ELAC1: variants seen among roughly 807,000 people sequenced by gnomAD.
ELAC1 encodes the protein zinc phosphodiesterase ELAC protein 1.
Under a neutral mutation model 25.8 loss-of-function variants are expected in ELAC1, and 19 were observed. The ratio of observed to expected loss-of-function variants is 0.74; its 90% confidence interval spans 0.51 to 1.08. The LOEUF (loss-of-function observed/expected upper bound fraction) is 1.08, where lower values mean the gene tolerates loss of function less well. Ranked by LOEUF, ELAC1 falls within the 50% of genes least tolerant of loss-of-function variation. The pLI is 0.00. For missense variants in ELAC1, 403 were observed against 434.6 expected, an observed-to-expected ratio of 0.93 and a Z score of 0.65; for synonymous variants, 148 against 160.9, an observed-to-expected ratio of 0.92 and a Z score of 0.61.
rs552354936 is a variant in ELAC1 at position 50,980,077 on chromosome 18, C to G, written c.158-4019C>G. 5.3e-5 allele frequency among the ~76,000 whole-genome samples: 8 copies of G among 152,250 alleles called. 1 individual carries two copies. The South Asian group carries it at 1.7e-3, about 32-fold the overall frequency. Reference sequence around the variant, plus strand: ...TTGGAGTTGGGCACAGTGGCTCATGCATGTAATCCCAGCATTTTGGGAGGT... The same window carrying G: ...TTGGAGTTGGGCACAGTGGCTCATGGATGTAATCCCAGCATTTTGGGAGGT... On this transcript the variant is annotated intron_variant, in intron 2 of 3. Coordinates refer to ENST00000269466, the MANE Select transcript of ELAC1 (RefSeq NM_018696.3).
Position 50,983,155 on chromosome 18 carries a change from G to GTTTTTT in ELAC1, c.158-920_158-915dup, listed in dbSNP as rs552455433. Among the ~76,000 whole-genome samples, 13 of 60,876 alleles carry GTTTTTT rather than the reference G, an allele frequency of 2.1e-4. 1 individual carries two copies. The highest frequency in any genetic ancestry group is 6.0e-4 in the East Asian group (1 of 1,674). 39.9% of individuals were successfully genotyped at this position (60,876 alleles called of 152,430 possible). ...GGTACACTTGTATATTTTACTTGGT[G>GTTTTTT]TTTTTTTTTTTTTTTTTTTTTTTTT... On this transcript the variant is annotated intron_variant, in intron 2 of 3. Transcript: ENST00000269466.
At chr18:50,972,042 G>T (rs1414853883) in intron 1 of ELAC1, among the ~76,000 whole-genome samples, 1 of 137,286 alleles carries the variant, frequency 7.3e-6, no homozygotes, top group African/African-American at 2.7e-5. Flanking sequence ...TCATAAGGGG[G>T]TCCAAACTTT....
chr18:50,975,315 A>G (rs994176382), intron 2 of ELAC1, among the ~76,000 whole-genome samples: 1 of 152,094 alleles, frequency 6.6e-6, no homozygotes, highest in African/African-American at 2.4e-5. Context: ...GTTAAATCTT[A>G]GCTCAGATGC....
chr18:50,974,960 G>A (rs1003577357), intron 2 of ELAC1, among the ~76,000 whole-genome samples: 19 of 152,204 alleles, frequency 1.2e-4, no homozygotes, highest in African/African-American at 4.1e-4. Context: ...TTTCCTCTTG[G>A]GGTTATCAGG....
At chr18:50,968,541 A>G (rs773050036) in intron 1 of ELAC1, 14 of 152,316 alleles carry the variant, frequency 9.2e-5, no homozygotes, top group African/African-American at 3.1e-4. Context: ...CCCGGCAACC[A>G]GTAGAATCGC....
chr18:50,968,953 C>T (rs1281476508), intron 1 of ELAC1: 1 of 152,220 alleles, frequency 6.6e-6, no homozygotes, highest in Non-Finnish European at 1.5e-5. Flanking sequence ...ATGATCAATT[C>T]TGTTTCATCT....
intron 2 of ELAC1, among the ~76,000 whole-genome samples, chr18:50,975,443 T>C (rs1282552347): frequency 6.6e-6 from 1 of 151,766 alleles, no homozygotes. Flanking sequence ...TATCTGAAAT[T>C]ATGTTATTTA....
chr18:50,986,569 A>G (rs1908112984), intron 3 of ELAC1, 50 bp from the exon 4 acceptor site: 2 of 1,410,530 alleles, frequency 1.4e-6, no homozygotes, highest in African/African-American at 2.9e-5. Context: ...ACTCTTGAAA[A>G]GTCATAAATT....
chr18:50,977,020 C>A (rs1002247991), intron 2 of ELAC1, among the ~76,000 whole-genome samples: 74 of 152,234 alleles, frequency 4.9e-4, no homozygotes, highest in African/African-American at 1.7e-3. Context: ...CATGCTGATG[C>A]AAGAGGTGGG....
Position 50,986,870 on chromosome 18 carries a change from A to G in ELAC1, c.877A>G (p.Thr293Ala). The G allele has an allele frequency of 6.2e-7, 1 of 1,614,156 alleles. No homozygotes were observed. The highest frequency in any genetic ancestry group is 8.5e-7 in the Non-Finnish European group (1 of 1,179,992). Reference sequence around the variant, plus strand: ...CAAAGCAAAGGAGCATGGCCACAGCACACCACAGATGGCAGCAACATTTGC... The same window carrying G: ...CAAAGCAAAGGAGCATGGCCACAGCGCACCACAGATGGCAGCAACATTTGC... ...MDKAKEHGHS[T>A]PQMAATFAKL... The change falls in exon 4 of 4, where the codon ACA becomes GCA. Residue 293 changes from threonine to alanine, a missense_variant. Coordinates refer to ENST00000269466, the MANE Select transcript of ELAC1 (RefSeq NM_018696.3).
rs144276133 is a variant in ELAC1, at chr18:50,984,185, G to A, written c.247G>A (p.Gly83Ser). Reference protein sequence around the residue: ...GLLCTISLQSGSMVSKQPIEI... With the variant: ...GLLCTISLQSSSMVSKQPIEI... ...CCTCTGCACAATCAGCCTGCAGAGT[G>A]GCTCCATGGTGTCCAAACAGCCTAT... Residue 83 changes from glycine (G) to serine (S), a missense_variant, in exon 3 of 4, where the codon GGC becomes AGC. Physicochemically the swap from Gly to Ser is moderately conservative, Grantham distance 56. Coordinates refer to ENST00000269466, the MANE Select transcript of ELAC1 (RefSeq NM_018696.3). 5.6e-6 allele frequency: 9 copies of A among 1,614,150 alleles called. No homozygotes were observed. The African/African-American group carries it at 9.3e-5, about 17-fold the overall frequency.
chr18:50,981,519 C>T (rs540418942), intron 2 of ELAC1, among the ~76,000 whole-genome samples: 5 of 152,260 alleles, frequency 3.3e-5, no homozygotes, highest in East Asian at 3.9e-4. Flanking sequence ...CATATTCCCC[C>T]ATAACTTCCT....
At chr18:50,973,525 A>G (rs554922101) in intron 1 of ELAC1, among the ~76,000 whole-genome samples, 15 of 152,290 alleles carry the variant, frequency 9.8e-5, no homozygotes, top group African/African-American at 3.6e-4. Flanking sequence ...GTTCAGCATT[A>G]TTGTGAAATA....
rs769488149 is a variant in ELAC1 at position 50,974,422 on chromosome 18, A to G, written c.18A>G (p.Thr6=). 2.1e-5 allele frequency: 32 copies of G among 1,547,150 alleles called. No individual in the cohort carries two copies. The highest frequency in any genetic ancestry group is 2.7e-5 in the Non-Finnish European group (31 of 1,149,168). The change falls in exon 2 of 4, where the codon ACA becomes ACG. Residue 6 remains threonine (T), a synonymous_variant. Coordinates refer to ENST00000269466, the MANE Select transcript of ELAC1 (RefSeq NM_018696.3). MSMDV[T]FLGTGAAYPS... ...GGTGGAAGATGTCTATGGATGTGACATTCCTGGGGACGGGTGCAGCATACC... is the reference window on the plus strand; with the variant it reads ...GGTGGAAGATGTCTATGGATGTGACGTTCCTGGGGACGGGTGCAGCATACC...
At chr18:50,977,683 C>A (rs1372181472) in intron 2 of ELAC1, among the ~76,000 whole-genome samples, 3 of 152,238 alleles carry the variant, frequency 2.0e-5, no homozygotes, top group Non-Finnish European at 2.9e-5. Context: ...ATTACTTACA[C>A]AAATTTCTGC....
intron 2 of ELAC1, among the ~76,000 whole-genome samples, chr18:50,979,835 T>C (rs1448859868): frequency 2.6e-5 from 4 of 152,174 alleles, no homozygotes; most frequent in African/African-American, 4.8e-5. Context: ...GAAGTGATTC[T>C]TATGCCTCAG....
At chr18:50,970,791 G>A (rs1173589541) in intron 1 of ELAC1, among the ~76,000 whole-genome samples, 1 of 150,136 alleles carries the variant, frequency 6.7e-6, no homozygotes, top group Non-Finnish European at 1.5e-5. Flanking sequence ...TAAAAGAAAA[G>A]TTAACCCCCC....
At chr18:50,971,908 GTGTGTATATATA>G (rs201108524) in intron 1 of ELAC1, among the ~76,000 whole-genome samples, 297 of 127,212 alleles carry the variant, frequency 2.3e-3, no homozygotes, top group East Asian at 8.6e-3. Flanking sequence ...GTGTGTGTGT[GTGTGTATATATA>G]TATATATATA....
Position 50,987,839 on chromosome 18 carries a change from C to T in ELAC1, c.*754C>T, listed in dbSNP as rs1304536709. The T allele has an allele frequency of 1.3e-5, 2 of 152,158 alleles. No individual in the cohort carries two copies. Among genetic ancestry groups the T allele is most frequent in the Non-Finnish European group, 1.5e-5 (1 of 68,026 alleles). The allele number at this position is 152,158 out of a possible 1,614,324, so 9.4% of individuals were successfully genotyped here. On this transcript the variant is annotated 3_prime_UTR_variant, in exon 4 of 4. Coordinates refer to ENST00000269466, the MANE Select transcript of ELAC1 (RefSeq NM_018696.3). ...AGTCATATACAATAAAGAATCATCT[C>T]ACCCCGAAATGCAAATTGCAGGCCC...
Sources: gnomAD v4.1 joint callset for allele counts (sites outside exome capture counted in the v4.1 genomes callset) on GRCh38, gnomAD v4.1.1 for gene constraint, MANE v1.5 for transcripts, NCBI Gene and HGNC (gene_info 2026-07-23, HGNC 2026-07-21) for gene names.